Variants in VPS9D1 observed in about 807,000 individuals in gnomAD.
VPS9D1 encodes VPS9 domain-containing protein 1.
VPS9D1 carries 78 observed loss-of-function variants against 75.8 expected under a neutral mutation model. That is an observed-to-expected ratio of 1.03 (90% CI 0.86 to 1.24). The LOEUF is 1.24. Among genes scored for constraint, VPS9D1 ranks in the 50% most tolerant of loss-of-function variants. The pLI is 0.00. For missense variants in VPS9D1, 1,057 were observed against 847.7 expected (o/e 1.25, Z -3.07); for synonymous variants, 481 against 385.6 (o/e 1.25, Z -2.90).
rs2060901219 is a variant in VPS9D1, at chr16:89,710,900, G to A, written c.944C>T (p.Pro315Leu). ...TCGGCTTCCGGGGTTGGGGGTCGGG[G>A]GGCAGCAGCCTGGGGCTGGCGCGGC... ...RAAAPAPGCC[P>L]PTPNPGSRRL... The change falls in exon 10 of 15, where the codon CCC becomes CTC. Residue 315 changes from proline (P) to leucine (L), a missense_variant. By Grantham distance (98) the Pro-to-Leu change is moderately conservative. Coordinates refer to ENST00000389386, the MANE Select transcript of VPS9D1 (RefSeq NM_004913.3). 1.3e-6 allele frequency: 2 copies of A among 1,496,582 alleles called. No homozygotes were observed. Among genetic ancestry groups the A allele is most frequent in the Non-Finnish European group, 1.8e-6 (2 of 1,127,540 alleles). The allele number at this position is 1,496,582 out of a possible 1,614,324, so 92.7% of individuals were successfully genotyped here.
Position 89,707,623 on chromosome 16 carries a change from G to A in VPS9D1, c.*238C>T, listed in dbSNP as rs946818707. ...AGGAGAGCAGGGCCTGGTTCCTCCT[G>A]GAGCTGATTCAGCCCCATTCTGTCG... On this transcript the variant is annotated 3_prime_UTR_variant, in exon 15 of 15. Transcript: ENST00000389386. The A allele has an allele frequency of 1.2e-5, 6 of 510,788 alleles. No individual in the cohort carries two copies. Among genetic ancestry groups the A allele is most frequent in the African/African-American group, 1.9e-5 (1 of 52,070 alleles). The allele number at this position is 510,788 out of a possible 1,614,324, so 31.6% of individuals were successfully genotyped here.
chr16:89,708,887 G>A lies in VPS9D1; in HGVS notation c.1667C>T (p.Ala556Val), dbSNP rs760008259. 11 of 1,593,688 alleles carry A rather than the reference G, an allele frequency of 6.9e-6. No homozygotes were observed. In the East Asian group the frequency reaches 1.8e-4, roughly 26 times the overall value. The change falls in exon 13 of 15, where the codon GCC becomes GTC. Residue 556 changes from alanine to valine, a missense_variant. Transcript: ENST00000389386. ...YCPTPEATPQAGPPPIAAAAI... is the reference protein window; with the variant it reads ...YCPTPEATPQVGPPPIAAAAI... ...AGCTGCAGCGATGGGCGGGGGCCCG[G>A]CCTGGGGTGTGGCCTCTGGGGTGGG...
chr16:89,715,936 T>G (rs928536090), intron 4 of VPS9D1, among the ~76,000 whole-genome samples: 15 of 150,000 alleles, frequency 1.0e-4, no homozygotes, highest in African/African-American at 3.4e-4. Flanking sequence ...CTCGGCCTCC[T>G]ACAGTGCTGG....
chr16:89,711,117 G>T, intron 9 of VPS9D1, 107 bp from the exon 10 acceptor site: 1 of 1,273,264 alleles, frequency 7.9e-7, no homozygotes, highest in Non-Finnish European at 1.0e-6. Context: ...ATTACCTCCT[G>T]ACAGTGAATG....
At chr16:89,716,381 A>T (rs1457769451) in intron 4 of VPS9D1, 81 bp downstream of exon 4, 2 of 1,580,792 alleles carry the variant, frequency 1.3e-6, no homozygotes, top group Non-Finnish European at 1.7e-6. Context: ...ACAAAAAAAA[A>T]ATCGCTGTCA....
chr16:89,717,615 G>A (rs866728233), intron 2 of VPS9D1: 58 of 453,680 alleles, frequency 1.3e-4, no homozygotes, highest in African/African-American at 6.7e-4. Flanking sequence ...TTCTCATCCC[G>A]CCCCGATTTA....
intron 2 of VPS9D1, 92 bp downstream of exon 2, chr16:89,718,935 G>C (rs1419495863): frequency 1.8e-6 from 2 of 1,100,362 alleles, no homozygotes; most frequent in Admixed American, 1.9e-5. Flanking sequence ...GGATGGTTTC[G>C]ATCTCCTGAC....
intron 1 of VPS9D1, chr16:89,719,406 C>G: frequency 1.9e-6 from 1 of 518,914 alleles, no homozygotes; most frequent in Non-Finnish European, 3.7e-6. Context: ...AGCACAGGAA[C>G]TGATATTCTC....
rs764388198 is a variant in VPS9D1, at chr16:89,716,632, C to T, written c.269-8G>A. ...GCTTCAGGCGTGTTTTCCCTGCAAG[C>T]CATGGGTAACCAGGGGTCAAGCGGT... On this transcript the variant is annotated splice_polypyrimidine_tract_variant and splice_region_variant and intron_variant, in intron 3 of 14. Transcript: ENST00000389386. 13 of 1,611,640 alleles carry T rather than the reference C, an allele frequency of 8.1e-6. No homozygotes were observed. The African/African-American group carries it at 1.5e-4, about 18-fold the overall frequency.
intron 6 of VPS9D1, 168 bp downstream of exon 6, chr16:89,712,292 G>A (rs1371368494): frequency 2.3e-6 from 3 of 1,320,674 alleles, no homozygotes; most frequent in Non-Finnish European, 3.1e-6. Context: ...CATGGGGGAC[G>A]GCGGCCGGGC....
In VPS9D1 at chr16:89,716,559, G is replaced by C; in HGVS notation, c.334C>G (p.Arg112Gly). The change falls in exon 4 of 15, where the codon CGC (arginine) becomes GGC (glycine). Residue 112 changes from arginine to glycine, a missense_variant. By Grantham distance (125) the Arg-to-Gly change is moderately radical. Coordinates refer to ENST00000389386, the MANE Select transcript of VPS9D1 (RefSeq NM_004913.3). ...CCTCCTTCATCGGAGTATACACGGCGGTGTCGGCCGGCAGGCTGGGGAATG... is the reference window on the plus strand; with the variant it reads ...CCTCCTTCATCGGAGTATACACGGCCGTGTCGGCCGGCAGGCTGGGGAATG... ...APIPQPAGRH[R>G]RVYSDEGGKL... 6.2e-7 allele frequency: 1 copy of C among 1,614,020 alleles called. No homozygotes were observed. The highest frequency in any genetic ancestry group is 8.5e-7 in the Non-Finnish European group (1 of 1,179,956).
Position 89,720,893 on chromosome 16 carries a change from C to A in VPS9D1, c.-32G>T. On this transcript the variant is annotated 5_prime_UTR_variant, in exon 1 of 15. Coordinates refer to ENST00000389386, the MANE Select transcript of VPS9D1 (RefSeq NM_004913.3). ...GAGCGGGGGAGGCGGCGGCGGTAGC[C>A]GAGGGGCTGGACGGGCGACCGGAGG... The A allele has an allele frequency of 7.5e-7, 1 of 1,325,120 alleles. No homozygotes were observed. 82.1% of individuals were successfully genotyped at this position (1,325,120 alleles called of 1,614,324 possible).
chr16:89,711,242 C>T, intron 9 of VPS9D1, 85 bp downstream of exon 9: 1 of 1,438,064 alleles, frequency 7.0e-7, no homozygotes, highest in Non-Finnish European at 9.5e-7. Context: ...CTGTGTCAGT[C>T]CAGCCCCTCT....
rs758976316 is a variant in VPS9D1, at chr16:89,709,842, G to A, written c.1323C>T (p.Arg441=). 2.5e-6 allele frequency: 4 copies of A among 1,613,856 alleles called. No individual in the cohort carries two copies. The highest frequency in any genetic ancestry group is 3.4e-6 in the Non-Finnish European group (4 of 1,179,934). Residue 441 remains arginine (R), a synonymous_variant, in exon 11 of 15, where the codon CGC becomes CGT. Coordinates refer to ENST00000389386, the MANE Select transcript of VPS9D1 (RefSeq NM_004913.3). ...AGGGTTCCTCAATGCAGGCCAGGCA[G>A]CGGTCCTTGGAGGCAGCTGTGTTTA... is the stretch of plus-strand genomic sequence containing the variant. ...EGLNTAASKD[R]CLACIEEPFF... is the part of the protein sequence containing the mutation.
In VPS9D1 at chr16:89,713,932, G is replaced by A. The variant is rs545053445; in HGVS notation, c.432-1216C>T. Among the ~76,000 whole-genome samples, 3 of 151,910 alleles carry A rather than the reference G, an allele frequency of 2.0e-5. No homozygotes were observed. In the East Asian group the frequency reaches 5.8e-4, roughly 30 times the overall value. On this transcript the variant is annotated intron_variant, in intron 4 of 14. Coordinates refer to ENST00000389386, the MANE Select transcript of VPS9D1 (RefSeq NM_004913.3). Reference sequence around the variant, plus strand: ...GACTCTGTCTCAAAAAATCACTGAGGTTTTTTTGCAAAATTTTTTTTTTTG... The same window carrying A: ...GACTCTGTCTCAAAAAATCACTGAGATTTTTTTGCAAAATTTTTTTTTTTG...
chr16:89,711,823 C>T, intron 8 of VPS9D1, 59 bp downstream of exon 8: 1 of 1,530,900 alleles, frequency 6.5e-7, no homozygotes. Context: ...CCAGGCGGCT[C>T]TGACCCCGCC....
In VPS9D1 at chr16:89,711,385, G is replaced by A. The variant is rs1382370625; in HGVS notation, c.775C>T (p.Leu259Phe). 1 of 1,610,642 alleles carries A rather than the reference G, an allele frequency of 6.2e-7. No individual in the cohort carries two copies. Among genetic ancestry groups the A allele is most frequent in the Admixed American group, 1.7e-5 (1 of 59,632 alleles). Residue 259 changes from leucine to phenylalanine, a missense_variant, in exon 9 of 15, where the codon CTC (leucine) becomes TTC (phenylalanine). Transcript: ENST00000389386. ...GACAGGTCCCCCGGATTCCTCTTGA[G>A]CTTGGCCTTCCAGTGCTTCGGCCAG... ...HDWPKHWKAK[L>F]KRNPGDLSLV...
Position 89,709,837 on chromosome 16 carries a change from A to C in VPS9D1, c.1328T>G (p.Leu443Arg), listed in dbSNP as rs757629688. The C allele has an allele frequency of 5.0e-6, 8 of 1,613,724 alleles. No homozygotes were observed. Among genetic ancestry groups the C allele is most frequent in the Non-Finnish European group, 6.8e-6 (8 of 1,179,930 alleles). ...GAAAAAGGGTTCCTCAATGCAGGCCAGGCAGCGGTCCTTGGAGGCAGCTGT... is the reference window on the plus strand; with the variant it reads ...GAAAAAGGGTTCCTCAATGCAGGCCCGGCAGCGGTCCTTGGAGGCAGCTGT... ...LNTAASKDRCLACIEEPFFSP... is the reference protein window; with the variant it reads ...LNTAASKDRCRACIEEPFFSP... The change falls in exon 11 of 15, where the codon CTG (leucine) becomes CGG (arginine). Residue 443 changes from leucine (L) to arginine (R), a missense_variant. By Grantham distance (102) the Leu-to-Arg change is moderately radical. Transcript: ENST00000389386.
At chr16:89,716,083 G>T (rs897205657) in intron 4 of VPS9D1, among the ~76,000 whole-genome samples, 1 of 151,958 alleles carries the variant, frequency 6.6e-6, no homozygotes, top group Non-Finnish European at 1.5e-5. Flanking sequence ...CCAGCACTGT[G>T]GGGGCCGGGC....
Sources: gnomAD v4.1 joint callset for allele counts (sites outside exome capture counted in the v4.1 genomes callset) on GRCh38, gnomAD v4.1.1 for gene constraint, MANE v1.5 for transcripts, NCBI Gene and HGNC (gene_info 2026-07-23, HGNC 2026-07-21) for gene names.